Variants in FBXL5 observed in about 807,000 individuals in gnomAD.
FBXL5 encodes the protein F-box and leucine rich repeat protein 5, also known as F-box/LRR-repeat protein 5.
In FBXL5, 26 loss-of-function variants were observed where a neutral mutation model predicts 78.3. The ratio of observed to expected loss-of-function variants is 0.33; its 90% CI spans 0.24 to 0.46. FBXL5 has a LOEUF of 0.46. FBXL5 is among the 20% of genes least tolerant of loss of function. The pLI is 1.00. For synonymous variants in FBXL5, 295 were observed against 282.5 expected, an observed-to-expected ratio of 1.04 and a Z score of -0.45; for missense variants, 710 against 829.2, an observed-to-expected ratio of 0.86 and a Z score of 1.77.
chr4:15,651,954 T>G (rs1716120703), intron 1 of FBXL5, among the ~76,000 whole-genome samples: 1 of 152,194 alleles, frequency 6.6e-6, no homozygotes, highest in Non-Finnish European at 1.5e-5. Context: ...CTCCCTTTGC[T>G]CCCACTATAC....
At chr4:15,635,436 A>T (rs1577457052) in intron 5 of FBXL5, among the ~76,000 whole-genome samples, 1 of 152,066 alleles carries the variant, frequency 6.6e-6, no homozygotes, top group Non-Finnish European at 1.5e-5. Flanking sequence ...AACAATTTTT[A>T]AAAATTATGT....
rs1184908979 is a variant in FBXL5 at position 15,605,104 on chromosome 4, A to G, written c.*619T>C. On this transcript the variant is annotated 3_prime_UTR_variant, in exon 11 of 11. Transcript: ENST00000341285. ...CTCCCAAATTTGATGACATAGGGAC[A>G]GTGGTGAGAACAAAGTATCCCTAAA... 1 of 152,670 alleles carries G rather than the reference A, an allele frequency of 6.6e-6. No homozygotes were observed. The highest frequency in any genetic ancestry group is 1.5e-5 in the Non-Finnish European group (1 of 68,050). The allele number at this position is 152,670 out of a possible 1,614,324, so 9.5% of individuals were successfully genotyped here. A position where few individuals can be genotyped will look rare whatever the true frequency, so the allele number is the denominator to read the frequency against.
intron 1 of FBXL5, among the ~76,000 whole-genome samples, chr4:15,646,360 T>A (rs1374726829): frequency 9.1e-6 from 1 of 109,366 alleles, no homozygotes. Flanking sequence ...GTTAAATACA[T>A]ATTATAGATT....
intron 9 of FBXL5, among the ~76,000 whole-genome samples, chr4:15,613,518 G>T (rs549752212): frequency 6.6e-6 from 1 of 152,102 alleles, no homozygotes; most frequent in Admixed American, 6.5e-5. Context: ...CAAATAATAT[G>T]TTTTCCAAAC....
intron 1 of FBXL5, among the ~76,000 whole-genome samples, chr4:15,669,259 C>G (rs1005354670): frequency 6.6e-6 from 1 of 152,102 alleles, no homozygotes; most frequent in African/African-American, 2.4e-5. Flanking sequence ...AGGCTACAAA[C>G]CAGTACAGCA....
At chr4:15,631,603 C>A (rs370935072) in intron 5 of FBXL5, among the ~76,000 whole-genome samples, 1 of 152,132 alleles carries the variant, frequency 6.6e-6, no homozygotes, top group Admixed American at 6.5e-5. Flanking sequence ...TTTTAATGAT[C>A]GCCATTCTAA....
At chr4:15,657,411 T>C (rs745843737), upstream of FBXL5, among the ~76,000 whole-genome samples, 2 of 152,252 alleles carry the variant, frequency 1.3e-5, no homozygotes, top group Admixed American at 6.5e-5. Context: ...TAATATGCTA[T>C]GTTGTCTTGT....
upstream of FBXL5, among the ~76,000 whole-genome samples, chr4:15,656,523 A>T (rs1437971657): frequency 6.6e-6 from 1 of 152,236 alleles, no homozygotes; most frequent in East Asian, 1.9e-4. Context: ...GTCAACAAAT[A>T]ATGGAGTAGA....
chr4:15,655,134 C>T (rs1716715453), intron 1 of FBXL5, 70 bp downstream of exon 1: 4 of 1,234,616 alleles, frequency 3.2e-6, no homozygotes, highest in South Asian at 1.9e-5. Flanking sequence ...GGCCAGGCCG[C>T]CCCAAGAACC....
At chr4:15,616,231 G>A (rs1026311336) in intron 9 of FBXL5, among the ~76,000 whole-genome samples, 11 of 152,184 alleles carry the variant, frequency 7.2e-5, no homozygotes, top group Admixed American at 1.3e-4. Context: ...GAGGGTCCGC[G>A]GCTTCATTCT....
intron 9 of FBXL5, among the ~76,000 whole-genome samples, chr4:15,621,732 A>G (rs982462643): frequency 6.6e-6 from 1 of 152,234 alleles, no homozygotes. Flanking sequence ...TTTCATTCCT[A>G]TGAAAGCCAG....
At chr4:15,629,035 G>A (rs1713362479) in intron 6 of FBXL5, among the ~76,000 whole-genome samples, 1 of 151,988 alleles carries the variant, frequency 6.6e-6, no homozygotes, top group Non-Finnish European at 1.5e-5. Context: ...AAGGTAACTG[G>A]AACTGTGAAA....
intron 10 of FBXL5, among the ~76,000 whole-genome samples, chr4:15,610,263 A>T (rs1379272269): frequency 6.6e-6 from 1 of 152,068 alleles, no homozygotes; most frequent in Non-Finnish European, 1.5e-5. Context: ...TATCCTTTTA[A>T]GGAAAAGACT....
At chr4:15,657,371 CTG>C (rs1717045512), upstream of FBXL5, among the ~76,000 whole-genome samples, 1 of 152,330 alleles carries the variant, frequency 6.6e-6, no homozygotes, top group Non-Finnish European at 1.5e-5. Flanking sequence ...GTTCATAGCA[CTG>C]TGTAATTTCC....
At chr4:15,612,437 A>G in intron 9 of FBXL5, 23 bp from the exon 10 acceptor site, 1 of 1,585,716 alleles carries the variant, frequency 6.3e-7, no homozygotes. Context: ...TAATTTGACA[A>G]TTAGAAGATA....
intron 1 of FBXL5, among the ~76,000 whole-genome samples, chr4:15,681,101 T>C (rs1392895351): frequency 6.6e-6 from 1 of 151,920 alleles, no homozygotes; most frequent in East Asian, 1.9e-4. Context: ...TACATACATA[T>C]TTAAATCTAT....
intron 1 of FBXL5, among the ~76,000 whole-genome samples, chr4:15,670,330 G>T (rs1383186075): frequency 6.6e-6 from 1 of 152,176 alleles, no homozygotes; most frequent in South Asian, 2.1e-4. Context: ...AACTTTACAG[G>T]AAACAGTCAA....
intron 2 of FBXL5, among the ~76,000 whole-genome samples, chr4:15,642,529 C>T (rs1488509307): frequency 6.6e-6 from 1 of 152,132 alleles, no homozygotes; most frequent in Non-Finnish European, 1.5e-5. Context: ...AGCCACCATG[C>T]CCAGCCTATG....
chr4:15,654,835 C>G (rs2148731514), intron 1 of FBXL5, among the ~76,000 whole-genome samples: 1 of 152,268 alleles, frequency 6.6e-6, no homozygotes, highest in Non-Finnish European at 1.5e-5. Context: ...GGCCGGGGCA[C>G]CCAGGGCTTC....
Sources: gnomAD v4.1 joint callset for allele counts (sites outside exome capture counted in the v4.1 genomes callset) on GRCh38, gnomAD v4.1.1 for gene constraint, MANE v1.5 for transcripts, NCBI Gene and HGNC (gene_info 2026-07-23, HGNC 2026-07-21) for gene names.